The following HUNK variants were observed in gnomAD, a reference collection of about 807,000 sequenced individuals.
The protein encoded by HUNK is hormonally up-regulated neu tumor-associated kinase.
A neutral mutation model predicts 61.0 loss-of-function variants in HUNK; 21 were observed. The observed-to-expected ratio is 0.34, with a 90% CI of 0.24 to 0.50. The LOEUF (loss-of-function observed/expected upper bound fraction) is 0.50. HUNK is among the 20% of genes least tolerant of loss of function. The pLI, the probability that HUNK is intolerant of heterozygous loss-of-function variation, is 0.98. For missense variants in HUNK, 772 were observed against 945.7 expected (o/e 0.82, Z 2.41); for synonymous variants, 371 against 386.1 (o/e 0.96, Z 0.46).
intron 6 of HUNK, among the ~76,000 whole-genome samples, chr21:31,970,751 C>T (rs916932555): frequency 6.6e-6 from 1 of 152,160 alleles, no homozygotes; most frequent in Non-Finnish European, 1.5e-5. Context: ...CAAAGAATTA[C>T]GAGGCGACAT....
At chr21:31,939,652 C>CG (rs2052756262) in intron 2 of HUNK, among the ~76,000 whole-genome samples, 4 of 151,670 alleles carry the variant, frequency 2.6e-5, no homozygotes, top group African/African-American at 9.7e-5. Flanking sequence ...AGGTGATCTG[C>CG]CCACCCTGGC....
intron 3 of HUNK, among the ~76,000 whole-genome samples, chr21:31,941,359 T>A (rs1243961166): frequency 6.6e-6 from 1 of 151,574 alleles, no homozygotes; most frequent in African/African-American, 2.4e-5. Context: ...CAGGCTGGAG[T>A]GCAGTGGTGC....
At chr21:31,939,444 C>T (rs7278792) in intron 2 of HUNK, among the ~76,000 whole-genome samples, 23,107 of 116,772 alleles carry the variant, frequency 0.2, 2,993 homozygotes, top group African/African-American at 0.4. Context: ...GTTTCGATCT[C>T]ATTGCCCAGG....
intron 1 of HUNK, among the ~76,000 whole-genome samples, chr21:31,874,251 C>T (rs1334928688): frequency 1.3e-5 from 2 of 151,574 alleles, no homozygotes; most frequent in African/African-American, 2.4e-5. Flanking sequence ...GGATGGGGCC[C>T]CTCTGCCCTT....
intron 10 of HUNK, among the ~76,000 whole-genome samples, chr21:31,998,325 T>C (rs1309018103): frequency 5.3e-5 from 8 of 152,164 alleles, no homozygotes; most frequent in Non-Finnish European, 1.5e-5. Context: ...CCCTCCATCC[T>C]AGGAAGACTG....
chr21:31,964,465 G>T (rs1225364520), intron 5 of HUNK, among the ~76,000 whole-genome samples: 1 of 152,196 alleles, frequency 6.6e-6, no homozygotes, highest in African/African-American at 2.4e-5. Flanking sequence ...AGAAAGTGGG[G>T]TTTGCGATGG....
At chr21:31,994,728 CTATT>C (rs2053191765) in intron 9 of HUNK, among the ~76,000 whole-genome samples, 1 of 152,212 alleles carries the variant, frequency 6.6e-6, no homozygotes, top group Non-Finnish European at 1.5e-5. Flanking sequence ...ATTTTAATAA[CTATT>C]TATTAAGCTT....
intron 1 of HUNK, among the ~76,000 whole-genome samples, chr21:31,909,066 G>T (rs1296278411): frequency 1.3e-5 from 2 of 152,072 alleles, no homozygotes; most frequent in Admixed American, 6.5e-5. Flanking sequence ...CCCGAGTTTT[G>T]TGCACTGTAA....
intron 4 of HUNK, among the ~76,000 whole-genome samples, chr21:31,950,478 G>C: frequency 6.6e-6 from 1 of 152,320 alleles, no homozygotes; most frequent in East Asian, 1.9e-4. Context: ...GTGGGGAAAC[G>C]TTCCAGGCAG....
At chr21:31,940,983 T>C (rs938251981) in intron 3 of HUNK, among the ~76,000 whole-genome samples, 11 of 152,224 alleles carry the variant, frequency 7.2e-5, no homozygotes, top group Non-Finnish European at 4.4e-5. Flanking sequence ...GAAGGATCAA[T>C]AGGACTTTGT....
intron 1 of HUNK, among the ~76,000 whole-genome samples, chr21:31,879,474 G>A (rs1429089482): frequency 6.6e-6 from 1 of 152,184 alleles, no homozygotes. Context: ...GTAGGGCCTG[G>A]TTCCTAGTGT....
intron 8 of HUNK, among the ~76,000 whole-genome samples, 184 bp downstream of exon 8, chr21:31,983,793 G>A (rs1429280858): frequency 2.6e-5 from 4 of 152,192 alleles, no homozygotes; most frequent in African/African-American, 9.7e-5. Context: ...CTAAACCATG[G>A]TTCTCAGCTG....
Position 31,891,919 on chromosome 21 carries a change from G to A in HUNK, c.261+17984G>A, listed in dbSNP as rs147119289. Among the ~76,000 whole-genome samples the A allele has an allele frequency of 1.2e-3, 181 of 152,064 alleles. 3 individuals are homozygous for A. The East Asian group carries it at 0.022, about 18-fold the overall frequency. ...TGTCTGCAGAAAAATCTTTGCATTG[G>A]GTAGGGATATTTGACTATATATTCT... On this transcript the variant is annotated intron_variant, in intron 1 of 10. Coordinates refer to ENST00000270112, the MANE Select transcript of HUNK (RefSeq NM_014586.2).
At chr21:31,949,899 A>G (rs1413859327) in intron 4 of HUNK, among the ~76,000 whole-genome samples, 1 of 152,166 alleles carries the variant, frequency 6.6e-6, no homozygotes, top group African/African-American at 2.4e-5. Context: ...ATCAGCATGT[A>G]TTGACTCATC....
At chr21:31,897,553 C>T (rs1007307495) in intron 1 of HUNK, among the ~76,000 whole-genome samples, 5 of 152,292 alleles carry the variant, frequency 3.3e-5, no homozygotes, top group East Asian at 1.9e-4. Context: ...ACCATAATGA[C>T]CTCATCTTAA....
intron 1 of HUNK, among the ~76,000 whole-genome samples, chr21:31,892,162 A>AAAAAT (rs1479271300): frequency 2.6e-5 from 3 of 114,050 alleles, no homozygotes; most frequent in African/African-American, 1.0e-4. Flanking sequence ...AAAAAAAAAA[A>AAAAAT]ATATATATAT....
chr21:31,952,423 T>C (rs776044123), intron 4 of HUNK, among the ~76,000 whole-genome samples: 9 of 152,202 alleles, frequency 5.9e-5, no homozygotes, highest in Non-Finnish European at 1.2e-4. Context: ...CCGAGGCTCC[T>C]GTCCACATGC....
chr21:31,946,057 C>A lies in HUNK; in HGVS notation c.632C>A (p.Ala211Glu), dbSNP rs1252942084. 6.2e-7 allele frequency: 1 copy of A among 1,605,904 alleles called. No individual in the cohort carries two copies. Among genetic ancestry groups the A allele is most frequent in the Middle Eastern group, 1.7e-4 (1 of 6,038 alleles). The change falls in exon 4 of 11, where the codon GCA becomes GAA. Residue 211 changes from alanine (A) to glutamate (E), a missense_variant. Coordinates refer to ENST00000270112, the MANE Select transcript of HUNK (RefSeq NM_014586.2). ...GCAGACTTTGGTTTGAGCAACTGCG[C>A]AGGGATCCTGGGTTACTCGGATCCG... ...KLIDFGLSNC[A>E]GILGYSDPFS...
chr21:31,925,848 A>C (rs2052655728), intron 2 of HUNK, among the ~76,000 whole-genome samples: 1 of 152,224 alleles, frequency 6.6e-6, no homozygotes, highest in Admixed American at 6.5e-5. Flanking sequence ...TGTTGGCTTC[A>C]CCAATAAATG....
Sources: gnomAD v4.1 joint callset for allele counts (sites outside exome capture counted in the v4.1 genomes callset) on GRCh38, gnomAD v4.1.1 for gene constraint, MANE v1.5 for transcripts, NCBI Gene and HGNC (gene_info 2026-07-23, HGNC 2026-07-21) for gene names.